CNTNAP2: variants seen among roughly 807,000 people sequenced by gnomAD.
The protein encoded by CNTNAP2 is contactin associated protein 2.
CNTNAP2 carries 98 observed loss-of-function variants against 155.2 expected under a neutral mutation model. The observed-to-expected ratio is 0.63, with a 90% confidence interval of 0.54 to 0.75. The LOEUF is 0.75. CNTNAP2 is among the 30% of genes least tolerant of loss of function. The pLI is 0.00. For missense variants in CNTNAP2, 1,727 were observed against 1,688.1 expected (o/e 1.02, Z -0.40); for synonymous variants, 651 against 631.2 (o/e 1.03, Z -0.47).
chr7:147,922,045 A>T (rs1800291194), intron 14 of CNTNAP2, among the ~76,000 whole-genome samples: 1 of 152,240 alleles, frequency 6.6e-6, no homozygotes, highest in Non-Finnish European at 1.5e-5. Flanking sequence ...GCCATATACA[A>T]ATTATCCCCA....
At chr7:146,507,924 G>A (rs988633922) in intron 1 of CNTNAP2, among the ~76,000 whole-genome samples, 1 of 152,118 alleles carries the variant, frequency 6.6e-6, no homozygotes, top group Non-Finnish European at 1.5e-5. Context: ...CTGGTGTGAT[G>A]TCAATTGGGA....
chr7:147,495,514 A>T (rs560367959), intron 11 of CNTNAP2, among the ~76,000 whole-genome samples: 3 of 152,312 alleles, frequency 2.0e-5, no homozygotes, highest in African/African-American at 7.2e-5. Context: ...GCCTGCCAAT[A>T]TTATTGTGAA....
chr7:147,550,750 G>T (rs114505008), intron 11 of CNTNAP2, among the ~76,000 whole-genome samples: 2 of 152,112 alleles, frequency 1.3e-5, no homozygotes, highest in African/African-American at 4.8e-5. Flanking sequence ...CTTCTGAAAC[G>T]ATCTTGTTCC....
At chr7:146,473,548 G>A (rs2129127048) in intron 1 of CNTNAP2, among the ~76,000 whole-genome samples, 1 of 152,194 alleles carries the variant, frequency 6.6e-6, no homozygotes, top group East Asian at 1.9e-4. Context: ...TTGATTTCCA[G>A]GGTGACAATA....
intron 12 of CNTNAP2, among the ~76,000 whole-genome samples, chr7:147,585,958 A>G (rs1461224787): frequency 1.3e-5 from 2 of 152,262 alleles, no homozygotes; most frequent in African/African-American, 2.4e-5. Flanking sequence ...TATGTGCCCA[A>G]CTTGGTTTTA....
At chr7:146,340,283 GTTGTT>G (rs767289177) in intron 1 of CNTNAP2, among the ~76,000 whole-genome samples, 8,650 of 137,378 alleles carry the variant, frequency 0.063, 435 homozygotes, top group African/African-American at 0.15. Flanking sequence ...TGTTGTTGTT[GTTGTT>G]TTTTTTTTTT....
intron 16 of CNTNAP2, among the ~76,000 whole-genome samples, chr7:148,146,285 A>C (rs1302448145): frequency 6.6e-6 from 1 of 152,240 alleles, no homozygotes; most frequent in Non-Finnish European, 1.5e-5. Context: ...CACATCTTTA[A>C]TGTTGAGAAG....
intron 8 of CNTNAP2, among the ~76,000 whole-genome samples, chr7:147,188,891 A>G (rs1290486888): frequency 6.6e-6 from 1 of 152,194 alleles, no homozygotes; most frequent in Non-Finnish European, 1.5e-5. Context: ...GTTAATACAC[A>G]CTTCTTTTTT....
chr7:146,902,378 T>A (rs1796021895), intron 3 of CNTNAP2, among the ~76,000 whole-genome samples: 1 of 152,214 alleles, frequency 6.6e-6, no homozygotes, highest in African/African-American at 2.4e-5. Flanking sequence ...GAAGCTATAT[T>A]ACAGTAACGT....
chr7:147,002,177 G>A (rs1798437181), intron 3 of CNTNAP2, among the ~76,000 whole-genome samples: 1 of 151,930 alleles, frequency 6.6e-6, no homozygotes, highest in Admixed American at 6.6e-5. Flanking sequence ...TTTACTGTGA[G>A]CTATGTGTTT....
chr7:146,893,836 G>A (rs940218114), intron 3 of CNTNAP2, among the ~76,000 whole-genome samples: 2 of 152,102 alleles, frequency 1.3e-5, no homozygotes, highest in African/African-American at 4.8e-5. Context: ...TAACAAATGG[G>A]TGACTTTAGA....
chr7:146,932,907 A>G (rs1487692522), intron 3 of CNTNAP2, among the ~76,000 whole-genome samples: 1 of 152,196 alleles, frequency 6.6e-6, no homozygotes, highest in East Asian at 1.9e-4. Flanking sequence ...TTCAAGGAGA[A>G]CTACAAACCA....
chr7:148,060,774 C>A (rs1803114107), intron 15 of CNTNAP2, among the ~76,000 whole-genome samples: 1 of 152,144 alleles, frequency 6.6e-6, no homozygotes, highest in African/African-American at 2.4e-5. Flanking sequence ...TATAGATCCT[C>A]AGCGCTGTTG....
chr7:146,165,852 A>T (rs967445786), intron 1 of CNTNAP2, among the ~76,000 whole-genome samples: 3 of 152,222 alleles, frequency 2.0e-5, no homozygotes, highest in Admixed American at 1.3e-4. Context: ...TAAAAGATGC[A>T]TTAGGTCATG....
rs188192602 is a variant in CNTNAP2 at position 147,992,971 on chromosome 7, G to A, written c.2383+14982G>A. Among the ~76,000 whole-genome samples the A allele has an allele frequency of 2.0e-5, 3 of 152,274 alleles. No individual in the cohort carries two copies. The East Asian group carries it at 5.8e-4, about 29-fold the overall frequency. On this transcript the variant is annotated intron_variant, in intron 15 of 23. Transcript: ENST00000361727. Reference sequence around the variant, plus strand: ...GAATTTAATTATATTATACTGAATAGGATACAAAGTAGGACTTGAGCTTAA... The same window carrying A: ...GAATTTAATTATATTATACTGAATAAGATACAAAGTAGGACTTGAGCTTAA...
intron 2 of CNTNAP2, among the ~76,000 whole-genome samples, chr7:146,796,854 T>C (rs959505570): frequency 2.0e-5 from 3 of 151,960 alleles, no homozygotes; most frequent in Admixed American, 2.0e-4. Context: ...AAAACATTCT[T>C]GGCCGGGCGC....
chr7:147,557,314 T>G (rs1022806870), intron 11 of CNTNAP2, among the ~76,000 whole-genome samples: 2 of 152,128 alleles, frequency 1.3e-5, no homozygotes, highest in Admixed American at 1.3e-4. Context: ...AATTTTTGCA[T>G]GCTATGAAAT....
intron 13 of CNTNAP2, among the ~76,000 whole-genome samples, chr7:147,815,916 CA>C (rs1798257589): frequency 6.6e-6 from 1 of 152,210 alleles, no homozygotes; most frequent in African/African-American, 2.4e-5. Context: ...TCTCTTTCAG[CA>C]GTTCTTAATC....
chr7:147,063,557 G>T (rs978620270), intron 4 of CNTNAP2, among the ~76,000 whole-genome samples: 2 of 152,024 alleles, frequency 1.3e-5, no homozygotes, highest in Non-Finnish European at 2.9e-5. Flanking sequence ...GAACTATGAA[G>T]GAGCATATTG....
Sources: allele counts gnomAD v4.1 joint callset (sites outside exome capture counted in the v4.1 genomes callset), GRCh38; gene constraint gnomAD v4.1.1; transcripts MANE v1.5; gene names NCBI Gene and HGNC (gene_info 2026-07-23, HGNC 2026-07-21).